SNX13: variants seen among roughly 807,000 people sequenced by gnomAD.
SNX13 encodes the protein sorting nexin-13.
SNX13 carries 45 observed loss-of-function variants against 133.6 expected under a neutral mutation model. The ratio of observed to expected loss-of-function variants is 0.34; its 90% CI spans 0.27 to 0.43. The LOEUF is 0.43. Ranked by LOEUF, SNX13 falls within the 20% of genes least tolerant of loss-of-function variation. SNX13 has a pLI of 1.00. For synonymous variants in SNX13, 414 were observed against 373.9 expected (o/e 1.11, Z -1.24); for missense variants, 1,032 against 1,145.1 (o/e 0.90, Z 1.43).
At chr7:17,806,292 T>A (rs888688619) in intron 20 of SNX13, among the ~76,000 whole-genome samples, 1 of 152,224 alleles carries the variant, frequency 6.6e-6, no homozygotes, top group Non-Finnish European at 1.5e-5. Context: ...CTAAAAATTG[T>A]TTCACAGATT....
At position 17,850,348 on chromosome 7, in the gene SNX13, T is replaced by A; in HGVS notation, c.1064A>T (p.Lys355Ile). ...TTAATTCAAAACTACTTTACTTACT[T>A]TGCCTGACTGCAATCGCTGTATTCT... ...DSRIQRLQSGKEINTVKLAAN... is the reference protein window; with the variant it reads ...DSRIQRLQSGIEINTVKLAAN... Residue 355 changes from lysine (K) to isoleucine (I), a missense_variant and splice_region_variant, in exon 11 of 26, where the codon AAA becomes ATA. Lys to Ile is a moderately radical substitution (Grantham distance 102, BLOSUM62 -3). Coordinates refer to ENST00000428135, the MANE Select transcript of SNX13 (RefSeq NM_015132.5). 6.3e-7 allele frequency: 1 copy of A among 1,586,716 alleles called. No homozygotes were observed. The highest frequency in any genetic ancestry group is 1.2e-5 in the South Asian group (1 of 86,114).
intron 1 of SNX13, among the ~76,000 whole-genome samples, chr7:17,934,147 A>G (rs10264987): frequency 0.044 from 6,722 of 152,256 alleles, 443 homozygotes; most frequent in African/African-American, 0.14. Context: ...AACGTTAAAC[A>G]GTTTAAGAGC....
Position 17,850,969 on chromosome 7 carries a change from A to G in SNX13, c.838-5T>C. The G allele has an allele frequency of 6.3e-7, 1 of 1,596,330 alleles. No individual in the cohort carries two copies. Among genetic ancestry groups the G allele is most frequent in the African/African-American group, 1.3e-5 (1 of 74,208 alleles). On this transcript the variant is annotated splice_polypyrimidine_tract_variant and splice_region_variant and intron_variant, in intron 9 of 25. Transcript: ENST00000428135. The stretch of plus-strand genomic sequence containing the variant: ...GTTGCAGTTAGAATCACGGATCTGA[A>G]AACAAGTTTAAGAAAAACAGGTGGG...
intron 20 of SNX13, among the ~76,000 whole-genome samples, chr7:17,805,236 T>TGC (rs1785074301): frequency 8.8e-6 from 1 of 113,286 alleles, no homozygotes; most frequent in African/African-American, 3.1e-5. Flanking sequence ...TGTGTGTGTG[T>TGC]GTGTGTGTGT....
chr7:17,833,996 A>C, intron 15 of SNX13, 56 bp downstream of exon 15: 1 of 1,268,230 alleles, frequency 7.9e-7, no homozygotes, highest in African/African-American at 1.5e-5. Flanking sequence ...TCTTTTGGTA[A>C]GCAGAATATA....
rs1791990976 is a variant in SNX13 at position 17,857,017 on chromosome 7, G to A, written c.838-6053C>T. On this transcript the variant is annotated intron_variant, in intron 9 of 25. Coordinates refer to ENST00000428135, the MANE Select transcript of SNX13 (RefSeq NM_015132.5). The stretch of plus-strand genomic sequence containing the variant: ...TTTACGCTAGACTAAGAAAAAAAGA[G>A]GCACCAAAAAAAATACAATCAGAGA... 3.3e-5 allele frequency among the ~76,000 whole-genome samples: 5 copies of A among 151,494 alleles called. No homozygotes were observed. In the South Asian group the frequency reaches 1.0e-3, roughly 31 times the overall value.
At chr7:17,909,772 A>C (rs187490789) in intron 1 of SNX13, among the ~76,000 whole-genome samples, 6 of 152,322 alleles carry the variant, frequency 3.9e-5, no homozygotes, top group African/African-American at 1.4e-4. Context: ...TGCTGGGCTT[A>C]ATACCCAGGT....
intron 17 of SNX13, among the ~76,000 whole-genome samples, chr7:17,824,479 A>G (rs1478294536): frequency 1.3e-5 from 2 of 152,174 alleles, no homozygotes; most frequent in Non-Finnish European, 2.9e-5. Flanking sequence ...ATGCATAATT[A>G]CCAATGTAAT....
intron 20 of SNX13, among the ~76,000 whole-genome samples, chr7:17,803,880 T>TTAA (rs1554303734): frequency 3.9e-5 from 3 of 77,738 alleles, no homozygotes; most frequent in Admixed American, 3.0e-4. Context: ...ACCCCATCTC[T>TTAA]AAAAAAAAAA....
In SNX13 at chr7:17,882,899, C is replaced by T. The variant is rs537185605; in HGVS notation, c.441-7109G>A. On this transcript the variant is annotated intron_variant, in intron 5 of 25. Coordinates refer to ENST00000428135, the MANE Select transcript of SNX13 (RefSeq NM_015132.5). ...CCAGGAAGCGGAGGTTGCAGTGAGC[C>T]GAGATTGCGCCATTGTACTCCAGCC... 1.2e-5 allele frequency: 14 copies of T among 1,216,392 alleles called. No homozygotes were observed. The Admixed American group carries it at 2.2e-4, about 20-fold the overall frequency. The allele number at this position is 1,216,392 out of a possible 1,614,324, so 75.3% of individuals were successfully genotyped here. A position where few individuals can be genotyped will look rare whatever the true frequency, so the allele number is the denominator to read the frequency against.
Position 17,845,637 on chromosome 7 carries a change from C to T in SNX13, c.1123G>A (p.Asp375Asn). Residue 375 changes from aspartate to asparagine, a missense_variant, in exon 12 of 26, where the codon GAC becomes AAC. Coordinates refer to ENST00000428135, the MANE Select transcript of SNX13 (RefSeq NM_015132.5). ...GCAACATTGTCTACAAGAATGCTGT[C>T]CAGGGGGACTGTGCAAAGTTTCCCA... ...NFGKLCTVPL[D>N]SILVDNVALQ... 1 of 1,602,966 alleles carries T rather than the reference C, an allele frequency of 6.2e-7. No homozygotes were observed. The highest frequency in any genetic ancestry group is 8.5e-7 in the Non-Finnish European group (1 of 1,174,934).
rs907723886 is a variant in SNX13 at position 17,792,496 on chromosome 7, C to T, written c.*1549G>A. 1 of 152,100 alleles carries T rather than the reference C, an allele frequency of 6.6e-6. No individual in the cohort carries two copies. The highest frequency in any genetic ancestry group is 1.5e-5 in the Non-Finnish European group (1 of 67,854). 9.4% of individuals were successfully genotyped at this position (152,100 alleles called of 1,614,324 possible). A position where few individuals can be genotyped will look rare whatever the true frequency, so the allele number is the denominator to read the frequency against. ...AGGAAGGCTTTATTCTGTTAATAAC[C>T]CTCACTTTGTAAGTAGGATCTAAGT... is the stretch of plus-strand genomic sequence containing the variant. On this transcript the variant is annotated 3_prime_UTR_variant, in exon 26 of 26. Transcript: ENST00000428135.
chr7:17,830,972 G>A, intron 15 of SNX13: 2 of 984,108 alleles, frequency 2.0e-6, no homozygotes, highest in Non-Finnish European at 2.4e-6. Context: ...TCAGCCCTCT[G>A]GTCATAAAAA....
intron 5 of SNX13, among the ~76,000 whole-genome samples, chr7:17,883,801 T>C (rs893727393): frequency 2.0e-5 from 3 of 152,082 alleles, no homozygotes; most frequent in Non-Finnish European, 2.9e-5. Context: ...ACGCCACTCA[T>C]GGGTGAGAAC....
At chr7:17,890,273 A>C in intron 5 of SNX13, 90 bp downstream of exon 5, 1 of 1,261,314 alleles carries the variant, frequency 7.9e-7, no homozygotes, top group South Asian at 1.8e-5. Flanking sequence ...ACCTTTTAAT[A>C]AACAATTCCT....
In SNX13 at chr7:17,826,036, T is replaced by C. The variant is rs200717124; in HGVS notation, c.1691A>G (p.Tyr564Cys). The C allele has an allele frequency of 1.9e-6, 3 of 1,553,954 alleles. No individual in the cohort carries two copies. Among genetic ancestry groups the C allele is most frequent in the Admixed American group, 1.9e-5 (1 of 53,934 alleles). Residue 564 changes from tyrosine to cysteine, a missense_variant, in exon 17 of 26, where the codon TAC (tyrosine) becomes TGC (cysteine). Coordinates refer to ENST00000428135, the MANE Select transcript of SNX13 (RefSeq NM_015132.5). ...AACTCTCTTACCTGTGTCTGAAATG[T>C]AGGCATGAAGTTGTACTGAGTCATC... ...SSDDSVQLHA[Y>C]ISDTGVCNDH...
chr7:17,854,102 G>A (rs1034050637), intron 9 of SNX13, among the ~76,000 whole-genome samples: 13 of 152,208 alleles, frequency 8.5e-5, no homozygotes, highest in African/African-American at 3.1e-4. Context: ...GTAAATGTAT[G>A]AGTGTAAAAG....
At position 17,834,124 on chromosome 7, in the gene SNX13, A is replaced by G. The variant is rs1239240313; in HGVS notation, c.1525T>C (p.Tyr509His). 1.9e-6 allele frequency: 3 copies of G among 1,595,820 alleles called. No homozygotes were observed. The highest frequency in any genetic ancestry group is 1.3e-5 in the African/African-American group (1 of 74,552). Residue 509 changes from tyrosine to histidine, a missense_variant, in exon 15 of 26, where the codon TAT becomes CAT. Coordinates refer to ENST00000428135, the MANE Select transcript of SNX13 (RefSeq NM_015132.5). ...TCAAGCTCAGCTAACATGCGCACAT[A>G]AAGTGCATTCTGTCTGAAGGAAGGA... ...FYPSFRQNAL[Y>H]VRMLAELDML... is the part of the protein sequence containing the mutation.
chr7:17,801,280 A>C (rs1784618323), intron 22 of SNX13, among the ~76,000 whole-genome samples: 1 of 151,674 alleles, frequency 6.6e-6, no homozygotes. Flanking sequence ...GACTTCATGG[A>C]ATACGTACCT....
Sources: gnomAD v4.1 joint callset for allele counts (sites outside exome capture counted in the v4.1 genomes callset) on GRCh38, gnomAD v4.1.1 for gene constraint, MANE v1.5 for transcripts, NCBI Gene and HGNC (gene_info 2026-07-23, HGNC 2026-07-21) for gene names.